Variants in ZCCHC17 observed in about 807,000 individuals in gnomAD.
ZCCHC17 encodes zinc finger CCHC domain-containing protein 17.
In ZCCHC17, 18 loss-of-function variants were observed where a neutral mutation model predicts 30.6. The observed-to-expected ratio is 0.59, with a 90% CI of 0.41 to 0.87. The LOEUF (loss-of-function observed/expected upper bound fraction) is 0.87, where lower values mean the gene tolerates loss of function less well. ZCCHC17 is among the 40% of genes least tolerant of loss of function. The pLI, the probability that ZCCHC17 is intolerant of heterozygous loss-of-function variation, is 0.00. For missense variants in ZCCHC17, 263 were observed against 284.2 expected, an observed-to-expected ratio of 0.93 and a Z score of 0.54; for synonymous variants, 88 against 92.4, an observed-to-expected ratio of 0.95 and a Z score of 0.27.
chr1:31,318,092 A>C lies in ZCCHC17; in HGVS notation c.67-1017A>C, dbSNP rs1646778524. On this transcript the variant is annotated intron_variant, in intron 2 of 7. Coordinates refer to ENST00000344147, the MANE Select transcript of ZCCHC17 (RefSeq NM_016505.4). ...CAAAGCATTTTGAATATTATTTTGC[A>C]TATAGTGAGTATTCAGTATATATTA... 5 of 1,123,000 alleles carry C rather than the reference A, an allele frequency of 4.5e-6. No individual in the cohort carries two copies. In the East Asian group the frequency reaches 1.3e-4, roughly 30 times the overall value. The allele number at this position is 1,123,000 out of a possible 1,614,324, so 69.6% of individuals were successfully genotyped here. A position where few individuals can be genotyped will look rare whatever the true frequency, so the allele number is the denominator to read the frequency against.
chr1:31,337,360 A>C, intron 4 of ZCCHC17, 85 bp downstream of exon 4: 2 of 1,182,126 alleles, frequency 1.7e-6, no homozygotes, highest in East Asian at 4.7e-5. Flanking sequence ...GAGTGTGTAA[A>C]TTTTGTTAAT....
chr1:31,342,940 GA>G (rs1639100271), intron 5 of ZCCHC17, among the ~76,000 whole-genome samples: 2 of 152,172 alleles, frequency 1.3e-5, no homozygotes, highest in Non-Finnish European at 2.9e-5. Context: ...GAATGAGGCA[GA>G]AAAGCACATA....
intron 2 of ZCCHC17, among the ~76,000 whole-genome samples, chr1:31,312,321 C>T (rs1646624837): frequency 6.6e-6 from 1 of 152,142 alleles, no homozygotes; most frequent in Non-Finnish European, 1.5e-5. Context: ...ACACTAAGCT[C>T]CATGAGGGCT....
intron 7 of ZCCHC17, among the ~76,000 whole-genome samples, chr1:31,354,167 T>C (rs771002893): frequency 3.9e-5 from 6 of 152,206 alleles, no homozygotes; most frequent in Non-Finnish European, 8.8e-5. Context: ...TGGTTAAGTT[T>C]CTTCCTAAGT....
At chr1:31,317,244 C>T (rs1316982996) in intron 2 of ZCCHC17, among the ~76,000 whole-genome samples, 1 of 151,948 alleles carries the variant, frequency 6.6e-6, no homozygotes, top group African/African-American at 2.4e-5. Flanking sequence ...AGGCTGGTCT[C>T]GAACTCCTGA....
intron 1 of ZCCHC17, among the ~76,000 whole-genome samples, chr1:31,303,176 G>A (rs563728844): frequency 6.6e-6 from 1 of 152,238 alleles, no homozygotes; most frequent in South Asian, 2.1e-4. Context: ...CAGCTACTTG[G>A]GAGGCTGAGG....
chr1:31,323,573 G>T (rs907873600), intron 3 of ZCCHC17, among the ~76,000 whole-genome samples: 8 of 151,980 alleles, frequency 5.3e-5, no homozygotes, highest in African/African-American at 1.9e-4. Context: ...TGCCTGCCTC[G>T]GCCTCCCAAA....
intron 3 of ZCCHC17, among the ~76,000 whole-genome samples, chr1:31,324,984 G>A (rs1638278602): frequency 6.6e-6 from 1 of 152,140 alleles, no homozygotes; most frequent in African/African-American, 2.4e-5. Flanking sequence ...GCCTGCCCAT[G>A]GACCAGTCAG....
At chr1:31,319,036 G>T in intron 2 of ZCCHC17, 73 bp from the exon 3 acceptor site, 1 of 1,528,290 alleles carries the variant, frequency 6.5e-7, no homozygotes, top group Non-Finnish European at 8.9e-7. Flanking sequence ...CAGATTTGGG[G>T]AGACTAGGTT....
intron 7 of ZCCHC17, among the ~76,000 whole-genome samples, chr1:31,355,904 T>G (rs1639626528): frequency 6.6e-6 from 1 of 152,152 alleles, no homozygotes; most frequent in African/African-American, 2.4e-5. Flanking sequence ...TAAAATCTTC[T>G]GTCTGAGATG....
chr1:31,315,932 T>G (rs1646721443), intron 2 of ZCCHC17, among the ~76,000 whole-genome samples: 1 of 152,218 alleles, frequency 6.6e-6, no homozygotes. Flanking sequence ...GCATCCATTC[T>G]GGAGCATATT....
chr1:31,360,726 G>T (rs550607844), intron 7 of ZCCHC17, among the ~76,000 whole-genome samples: 9 of 152,272 alleles, frequency 5.9e-5, no homozygotes, highest in Admixed American at 5.9e-4. Context: ...CTTTGAGAGA[G>T]AACAAAGTGG....
At chr1:31,346,878 G>C (rs1639294763) in intron 6 of ZCCHC17, 138 bp downstream of exon 6, 1 of 1,507,864 alleles carries the variant, frequency 6.6e-7, no homozygotes, top group Non-Finnish European at 8.9e-7. Flanking sequence ...TTTTCCACCA[G>C]ACTCACATCA....
chr1:31,298,307 G>A (rs1646217516), intron 1 of ZCCHC17, among the ~76,000 whole-genome samples: 1 of 152,010 alleles, frequency 6.6e-6, no homozygotes, highest in African/African-American at 2.4e-5. Context: ...AATAGATGGT[G>A]GTACCATTCA....
chr1:31,363,473 G>A lies in ZCCHC17; in HGVS notation c.565-559G>A, dbSNP rs538429222. On this transcript the variant is annotated intron_variant, in intron 7 of 7. Coordinates refer to ENST00000344147, the MANE Select transcript of ZCCHC17 (RefSeq NM_016505.4). ...GCTGGGATTACAGGCGTGAGCCACC[G>A]CACCTGGCCACAATGTCTTATACTT... Among the ~76,000 whole-genome samples the A allele has an allele frequency of 9.3e-5, 14 of 150,824 alleles. No homozygotes were observed. The East Asian group carries it at 1.0e-3, about 11-fold the overall frequency.
At chr1:31,308,711 C>T (rs746916111) in intron 1 of ZCCHC17, among the ~76,000 whole-genome samples, 5 of 152,206 alleles carry the variant, frequency 3.3e-5, no homozygotes, top group Admixed American at 2.6e-4. Context: ...GCAAGATTAT[C>T]TCTAAGGTAA....
chr1:31,337,754 G>A (rs547913322), intron 4 of ZCCHC17, among the ~76,000 whole-genome samples: 40 of 152,168 alleles, frequency 2.6e-4, no homozygotes, highest in Non-Finnish European at 5.1e-4. Flanking sequence ...ACTCACTTGA[G>A]GGTATGAGGG....
chr1:31,330,355 T>G (rs1296012909), intron 3 of ZCCHC17, among the ~76,000 whole-genome samples: 1 of 152,242 alleles, frequency 6.6e-6, no homozygotes, highest in Non-Finnish European at 1.5e-5. Flanking sequence ...TAATTCTGTT[T>G]AAGTGTCATG....
intron 1 of ZCCHC17, among the ~76,000 whole-genome samples, chr1:31,305,581 G>T (rs1043644811): frequency 6.6e-6 from 1 of 152,006 alleles, no homozygotes; most frequent in African/African-American, 2.4e-5. Context: ...GAGCCACCAT[G>T]CCCGGCCATA....
Sources: gnomAD v4.1 joint callset for allele counts (sites outside exome capture counted in the v4.1 genomes callset) on GRCh38, gnomAD v4.1.1 for gene constraint, MANE v1.5 for transcripts, NCBI Gene and HGNC (gene_info 2026-07-23, HGNC 2026-07-21) for gene names.